Variants in SYT14 observed in about 807,000 individuals in gnomAD.
SYT14 encodes synaptotagmin 14, also known as synaptotagmin-14.
Under a neutral mutation model 74.2 loss-of-function variants are expected in SYT14, and 32 were observed. That is an observed-to-expected ratio of 0.43 (90% CI 0.33 to 0.58). The LOEUF (loss-of-function observed/expected upper bound fraction) is 0.58, where lower values mean the gene tolerates loss of function less well. SYT14 is among the 20% of genes least tolerant of loss of function. SYT14 has a pLI of 0.05. For missense variants in SYT14, 791 were observed against 981.8 expected (o/e 0.81, Z 2.60); for synonymous variants, 298 against 337.7 (o/e 0.88, Z 1.29).
At chr1:210,133,044 G>C (rs2082710306) in intron 7 of SYT14, among the ~76,000 whole-genome samples, 1 of 152,186 alleles carries the variant, frequency 6.6e-6, no homozygotes, top group Admixed American at 6.5e-5. Context: ...ACAATGGTCA[G>C]AGGACCTTTC....
rs1355970259 is a variant in SYT14 at position 210,039,715 on chromosome 1, T to C, written c.1312+18461T>C. Among the ~76,000 whole-genome samples the C allele has an allele frequency of 2.0e-5, 3 of 152,040 alleles. No homozygotes were observed. In the East Asian group the frequency reaches 5.8e-4, roughly 29 times the overall value. ...ACAAACAACTTCATCGAAAACTGGG[T>C]GAAGGATATGAACAGACACTTCTCA... On this transcript the variant is annotated intron_variant, in intron 5 of 9. Coordinates refer to ENST00000637265, the Ensembl canonical transcript of SYT14.
At chr1:210,146,030 T>C (rs145483788) in intron 7 of SYT14, among the ~76,000 whole-genome samples, 1,956 of 152,282 alleles carry the variant, frequency 0.013, 28 homozygotes, top group Middle Eastern at 0.037. Flanking sequence ...TCTATTCTGT[T>C]TCCTTCAGTA....
chr1:210,142,974 T>C (rs910225041), intron 7 of SYT14, among the ~76,000 whole-genome samples: 2 of 152,228 alleles, frequency 1.3e-5, no homozygotes, highest in African/African-American at 4.8e-5. Context: ...AATGAGACTT[T>C]CAGTAGATCA....
intron 7 of SYT14, among the ~76,000 whole-genome samples, chr1:210,129,707 A>G (rs139936489): frequency 1.7e-3 from 261 of 152,338 alleles, no homozygotes; most frequent in African/African-American, 6.0e-3. Flanking sequence ...TTTTCTGCAC[A>G]TTGCCTTTAG....
chr1:209,944,757 T>TC (rs970904554), intron 1 of SYT14, among the ~76,000 whole-genome samples: 1 of 151,826 alleles, frequency 6.6e-6, no homozygotes, highest in Non-Finnish European at 1.5e-5. Flanking sequence ...GTTTTTTTTT[T>TC]CCCTCTCTTT....
Position 210,005,290 on chromosome 1 carries a change from G to C in SYT14, c.-485-8343G>C, listed in dbSNP as rs543963839. Among the ~76,000 whole-genome samples, 12 of 152,060 alleles carry C rather than the reference G, an allele frequency of 7.9e-5. No homozygotes were observed. In the East Asian group the frequency reaches 2.3e-3, roughly 29 times the overall value. Reference sequence around the variant, plus strand: ...TTTGAGAGGAAGATGGTGTCTCTCTGAGAGATTTGAATGAAACTGCTTGGT... The same window carrying C: ...TTTGAGAGGAAGATGGTGTCTCTCTCAGAGATTTGAATGAAACTGCTTGGT... On this transcript the variant is annotated intron_variant, in intron 2 of 9. Coordinates refer to ENST00000637265, the Ensembl canonical transcript of SYT14.
At chr1:209,959,198 A>C (rs1168664687) in intron 2 of SYT14, among the ~76,000 whole-genome samples, 1 of 152,128 alleles carries the variant, frequency 6.6e-6, no homozygotes, top group Non-Finnish European at 1.5e-5. Context: ...GCTGGAGTGC[A>C]GTGGCGTGAT....
intron 7 of SYT14, among the ~76,000 whole-genome samples, chr1:210,138,732 A>C (rs907865616): frequency 6.6e-6 from 1 of 152,204 alleles, no homozygotes; most frequent in Non-Finnish European, 1.5e-5. Flanking sequence ...TCTTTAAAAT[A>C]TAAGCAATCA....
intron 2 of SYT14, among the ~76,000 whole-genome samples, chr1:209,991,083 C>A (rs1304338506): frequency 3.9e-5 from 6 of 152,072 alleles, no homozygotes; most frequent in Admixed American, 3.3e-4. Context: ...TTGCCATATG[C>A]AGAATGAAAC....
chr1:210,006,159 C>CTTCT (rs1210575075), intron 2 of SYT14, among the ~76,000 whole-genome samples: 24 of 151,848 alleles, frequency 1.6e-4, no homozygotes, highest in African/African-American at 5.8e-4. Flanking sequence ...AATTGTGTTA[C>CTTCT]TTCTATCAGT....
intron 2 of SYT14, among the ~76,000 whole-genome samples, chr1:209,976,393 G>A (rs866567578): frequency 2.7e-5 from 4 of 150,460 alleles, no homozygotes; most frequent in African/African-American, 9.8e-5. Context: ...CAGAGATTCT[G>A]GTATGTTGTG....
At chr1:210,089,535 G>A (rs2081819343) in intron 5 of SYT14, among the ~76,000 whole-genome samples, 1 of 152,118 alleles carries the variant, frequency 6.6e-6, no homozygotes, top group South Asian at 2.1e-4. Flanking sequence ...AACCTCTCCA[G>A]CATCTGTTGT....
At chr1:209,988,499 A>G (rs779834711) in intron 2 of SYT14, among the ~76,000 whole-genome samples, 7 of 152,140 alleles carry the variant, frequency 4.6e-5, no homozygotes, top group Non-Finnish European at 8.8e-5. Flanking sequence ...TGGATGCCAA[A>G]CATTGTGAAG....
At chr1:209,941,033 A>G (rs2078721887) in intron 1 of SYT14, among the ~76,000 whole-genome samples, 1 of 152,172 alleles carries the variant, frequency 6.6e-6, no homozygotes, top group Admixed American at 6.5e-5. Context: ...TTAGCTAACC[A>G]ATGTTTTGAA....
chr1:210,099,218 C>T (rs866813945), intron 6 of SYT14, among the ~76,000 whole-genome samples: 2 of 152,112 alleles, frequency 1.3e-5, no homozygotes, highest in African/African-American at 4.8e-5. Context: ...GCTAAAACCC[C>T]TATTACATTC....
chr1:209,953,085 C>T, intron 2 of SYT14: 1 of 1,322,714 alleles, frequency 7.6e-7, no homozygotes, highest in Non-Finnish European at 9.9e-7. Context: ...GCTGATCTCC[C>T]ATTGACTTCT....
Position 210,156,683 on chromosome 1 carries a change from C to CTT in SYT14, c.2224+800_2224+801dup, listed in dbSNP as rs71146208. 5.0e-3 allele frequency among the ~76,000 whole-genome samples: 281 copies of CTT among 56,002 alleles called. 20 individuals are homozygous for CTT. Among genetic ancestry groups the CTT allele is most frequent in the Non-Finnish European group, 6.5e-3 (199 of 30,452 alleles). The allele number at this position is 56,002 out of a possible 152,430, so 36.7% of individuals were successfully genotyped here. A position where few individuals can be genotyped will look rare whatever the true frequency, so the allele number is the denominator to read the frequency against. On this transcript the variant is annotated intron_variant, in intron 8 of 9. Coordinates refer to ENST00000637265, the Ensembl canonical transcript of SYT14. ...AGGTAAACTGGGAAAGTGGCAGCTT[C>CTT]TTTTTTTTTTTTTTTTTTTTTTTTT... is the stretch of plus-strand genomic sequence containing the variant.
chr1:210,059,874 C>T (rs1416161758), intron 5 of SYT14, among the ~76,000 whole-genome samples: 1 of 152,106 alleles, frequency 6.6e-6, no homozygotes, highest in African/African-American at 2.4e-5. Flanking sequence ...TCTCTGAAGG[C>T]ATCTCACCCT....
chr1:210,086,020 A>G (rs2081721738), intron 5 of SYT14, among the ~76,000 whole-genome samples: 1 of 152,068 alleles, frequency 6.6e-6, no homozygotes, highest in African/African-American at 2.4e-5. Flanking sequence ...AATTTTCTTT[A>G]TTGGGGAGGT....
Sources: allele counts gnomAD v4.1 joint callset (sites outside exome capture counted in the v4.1 genomes callset), GRCh38; gene constraint gnomAD v4.1.1; transcripts MANE v1.5; gene names NCBI Gene and HGNC (gene_info 2026-07-23, HGNC 2026-07-21).